MAX: variants seen among roughly 807,000 people sequenced by gnomAD.
The protein encoded by MAX is protein max.
Under a neutral mutation model 22.3 loss-of-function variants are expected in MAX, and 3 were observed. The observed-to-expected ratio is 0.13, with a 90% CI of 0.06 to 0.35. The LOEUF is 0.35. Ranked by LOEUF, MAX falls within the 10% of genes least tolerant of loss-of-function variation. The pLI is 1.00. For synonymous variants in MAX, 72 were observed against 77.7 expected (o/e 0.93, Z 0.39); for missense variants, 119 against 209.4 (o/e 0.57, Z 2.66).
At chr14:65,065,809 G>T (rs927150472) in intron 3 of MAX, among the ~76,000 whole-genome samples, 1 of 152,164 alleles carries the variant, frequency 6.6e-6, no homozygotes, top group Non-Finnish European at 1.5e-5. Flanking sequence ...TAACCCCTAA[G>T]ACAGTCCCTC....
rs1185538822 is a variant in MAX, at chr14:65,060,553, G to A, written c.171+33155C>T. On this transcript the variant is annotated intron_variant, in intron 3 of 3. Coordinates refer to the MAX transcript ENST00000341653. ...CTACTAAAAATACAAAAAATTAGCC[G>A]GGCGTAGTGGCGGGCGCCTGTAGTC... 1.2e-4 allele frequency among the ~76,000 whole-genome samples: 15 copies of A among 127,652 alleles called. 1 individual carries two copies. The highest frequency in any genetic ancestry group is 2.5e-4 in the South Asian group (1 of 3,934). The allele number at this position is 127,652 out of a possible 152,430, so 83.7% of individuals were successfully genotyped here.
chr14:65,056,545 T>G (rs138591207), intron 3 of MAX, among the ~76,000 whole-genome samples: 1 of 152,284 alleles, frequency 6.6e-6, no homozygotes, highest in East Asian at 1.9e-4. Flanking sequence ...TGAAGTGGTA[T>G]TTGTTTGATT....
chr14:65,030,627 A>G lies in MAX; in HGVS notation c.172-24343T>C, dbSNP rs2062062237. ...TGTGGTGGCATGCATCTGTAGCCTC[A>G]GCTGCTTAGGAGGCTGAGGCAAGAT... On this transcript the variant is annotated intron_variant, in intron 3 of 3. Coordinates refer to the MAX transcript ENST00000341653. The surrounding 1 kb of genome is among the most constrained non-coding windows in gnomAD (Gnocchi z 4.5). 6.6e-6 allele frequency among the ~76,000 whole-genome samples: 1 copy of G among 152,068 alleles called. No homozygotes were observed. Among genetic ancestry groups the G allele is most frequent in the African/African-American group, 2.4e-5 (1 of 41,418 alleles).
chr14:65,082,640 G>T lies in MAX; in HGVS notation c.172-4604C>A, dbSNP rs770944084. Among the ~76,000 whole-genome samples, 2 of 152,014 alleles carry T rather than the reference G, an allele frequency of 1.3e-5. No homozygotes were observed. Among genetic ancestry groups the T allele is most frequent in the Admixed American group, 1.3e-4 (2 of 15,256 alleles). ...AGATTAGCTGGGCATGGTGGTACAC[G>T]AATGTGGTCCCAGCTACTTGGGAGG... On this transcript the variant is annotated intron_variant, in intron 3 of 4. Coordinates refer to ENST00000358664, the MANE Select transcript of MAX (RefSeq NM_002382.5). The surrounding 1 kb of genome is among the most constrained non-coding windows in gnomAD (Gnocchi z 4.8).
chr14:65,081,530 T>C (rs2063199826), intron 3 of MAX, among the ~76,000 whole-genome samples: 1 of 152,174 alleles, frequency 6.6e-6, no homozygotes, highest in African/African-American at 2.4e-5. Flanking sequence ...CCCTGGGATT[T>C]ATGGCATGGA....
rs940534229 is a variant in MAX, at chr14:65,030,384, C to A, written c.172-24100G>T. ...AGGATCATAATGCATGCAGCTTCTG[C>A]AGAGACTTCTTTGGAATACCTCAGT... On this transcript the variant is annotated intron_variant, in intron 3 of 3. Coordinates refer to the MAX transcript ENST00000341653. This position sits in a 1 kb window ranked among gnomAD's most constrained non-coding sequence, Gnocchi z 4.5. Among the ~76,000 whole-genome samples, 1 of 152,192 alleles carries A rather than the reference C, an allele frequency of 6.6e-6. No homozygotes were observed. Among genetic ancestry groups the A allele is most frequent in the Non-Finnish European group, 1.5e-5 (1 of 68,040 alleles).
chr14:65,020,733 C>CT (rs71123901), intron 3 of MAX, among the ~76,000 whole-genome samples: 23,723 of 123,282 alleles, frequency 0.19, 2,931 homozygotes, highest in Non-Finnish European at 0.25. Context: ...CGCGCCCGGC[C>CT]TTTTTTTTTT....
At position 65,009,139 on chromosome 14, in the gene MAX, T is replaced by C. The variant is rs2061644688; in HGVS notation, c.172-2855A>G. Among the ~76,000 whole-genome samples the C allele has an allele frequency of 6.6e-6, 1 of 152,068 alleles. No homozygotes were observed. The highest frequency in any genetic ancestry group is 2.4e-5 in the African/African-American group (1 of 41,400). On this transcript the variant is annotated intron_variant, in intron 3 of 3. Transcript: ENST00000341653. This position sits in a 1 kb window ranked among gnomAD's most constrained non-coding sequence, Gnocchi z 4.2. ...CACAGAAAAGATTTTTGGATAGAGG[T>C]GAGTTGAGAATGAAGGACCGGTGAG...
intron 3 of MAX, among the ~76,000 whole-genome samples, chr14:65,024,005 G>A (rs991676112): frequency 9.9e-5 from 15 of 152,160 alleles, no homozygotes; most frequent in African/African-American, 3.4e-4. Context: ...GGGAGGCTGA[G>A]GGAGGAGAAT....
rs1353493496 is a variant in MAX at position 65,012,336 on chromosome 14, A to G, written c.172-6052T>C. ...TTCCAGGCTTGTTTTGCAGAGGGAG[A>G]AGCACTTCCATTATCTGAAAAGAGG... On this transcript the variant is annotated intron_variant, in intron 3 of 3. Transcript: ENST00000341653. This position sits in a 1 kb window ranked among gnomAD's most constrained non-coding sequence, Gnocchi z 5.0. The G allele has an allele frequency of 5.6e-6, 9 of 1,613,860 alleles. No individual in the cohort carries two copies. Among genetic ancestry groups the G allele is most frequent in the Non-Finnish European group, 7.6e-6 (9 of 1,179,996 alleles).
chr14:65,019,479 T>C (rs1374977280), intron 3 of MAX, among the ~76,000 whole-genome samples: 3 of 149,894 alleles, frequency 2.0e-5, no homozygotes, highest in African/African-American at 7.4e-5. Context: ...AGAAGGAGAC[T>C]GTTGTCTCAA....
intron 2 of MAX, among the ~76,000 whole-genome samples, 157 bp downstream of exon 2, chr14:65,101,389 C>T (rs545229615): frequency 1.3e-5 from 2 of 152,184 alleles, no homozygotes; most frequent in South Asian, 2.1e-4. Context: ...TTTGCAACCC[C>T]CCCACCCTCC....
intron 2 of MAX, among the ~76,000 whole-genome samples, chr14:65,095,847 C>G (rs1385218480): frequency 4.6e-5 from 7 of 152,198 alleles, no homozygotes; most frequent in Non-Finnish European, 1.0e-4. Flanking sequence ...TGTTTTCTTT[C>G]TGGGAGAGCC....
rs1340174612 is a variant in MAX at position 65,027,186 on chromosome 14, C to T, written c.172-20902G>A. ...ACTCTTACCCCATAGCTACGAAAGT[C>T]GGTTTCTTCCCAGCCTTGTGTTCCC... On this transcript the variant is annotated intron_variant, in intron 3 of 3. Transcript: ENST00000341653. This position sits in a 1 kb window ranked among gnomAD's most constrained non-coding sequence, Gnocchi z 5.7. 1.3e-5 allele frequency among the ~76,000 whole-genome samples: 2 copies of T among 152,184 alleles called. No homozygotes were observed. The highest frequency in any genetic ancestry group is 2.9e-5 in the Non-Finnish European group (2 of 68,030).
chr14:65,017,379 G>A (rs911426325), intron 3 of MAX, among the ~76,000 whole-genome samples: 1 of 152,190 alleles, frequency 6.6e-6, no homozygotes, highest in Non-Finnish European at 1.5e-5. Context: ...GGGGATTTCT[G>A]TGAGCCTGGA....
intron 3 of MAX, among the ~76,000 whole-genome samples, chr14:65,080,067 C>T (rs934444343): frequency 6.6e-6 from 1 of 152,154 alleles, no homozygotes; most frequent in Non-Finnish European, 1.5e-5. Flanking sequence ...TGCTGACAAG[C>T]GTAACCTGAC....
In MAX at chr14:65,075,481, C is replaced by T. The variant is rs574183061; in HGVS notation, c.*995G>A. On this transcript the variant is annotated 3_prime_UTR_variant, in exon 5 of 5. Coordinates refer to ENST00000358664, the MANE Select transcript of MAX (RefSeq NM_002382.5). This position sits in a 1 kb window ranked among gnomAD's most constrained non-coding sequence, Gnocchi z 4.1. The stretch of plus-strand genomic sequence containing the variant: ...TGCGGGTTTAGTACCAGGTAAATTG[C>T]TCTTGGTATTTACATACAAAATCAG... 121 of 1,064,568 alleles carry T rather than the reference C, an allele frequency of 1.1e-4. 2 individuals carry two copies. In the Admixed American group the frequency reaches 6.2e-3, roughly 55 times the overall value. The allele number at this position is 1,064,568 out of a possible 1,614,324, so 65.9% of individuals were successfully genotyped here. A position where few individuals can be genotyped will look rare whatever the true frequency, so the allele number is the denominator to read the frequency against.
At chr14:65,015,765 G>C in intron 3 of MAX, 1 of 1,588,196 alleles carries the variant, frequency 6.3e-7, no homozygotes. Context: ...ATTGTATTTT[G>C]AGTTTGGGAT....
At chr14:65,038,880 C>T (rs1364176562) in intron 3 of MAX, among the ~76,000 whole-genome samples, 2 of 152,068 alleles carry the variant, frequency 1.3e-5, no homozygotes, top group African/African-American at 4.8e-5. Flanking sequence ...ACTACTTTTA[C>T]TTCCTGACTA....
Sources: allele counts gnomAD v4.1 joint callset (sites outside exome capture counted in the v4.1 genomes callset), GRCh38; gene constraint gnomAD v4.1.1; non-coding constraint Gnocchi (gnomAD v3.1); transcripts MANE v1.5; gene names NCBI Gene and HGNC (gene_info 2026-07-23, HGNC 2026-07-21).